The following LRRC37A variants were observed in gnomAD, a reference collection of about 807,000 sequenced individuals.
The protein encoded by LRRC37A is leucine rich repeat containing 37A.
In LRRC37A, 3 loss-of-function variants were observed where a neutral mutation model predicts 35.4. The ratio of observed to expected loss-of-function variants is 0.08; its 90% CI spans 0.04 to 0.22. LRRC37A has a LOEUF of 0.22. LRRC37A is among the 10% of genes least tolerant of loss of function. The probability of loss-of-function intolerance (pLI) is 1.00; values close to 1 mark genes in which losing one functional copy is unlikely to be tolerated. For synonymous variants in LRRC37A, 23 were observed against 215.0 expected (o/e 0.11, Z 7.81); for missense variants, 67 against 565.3 (o/e 0.12, Z 8.94).
chr17:46,317,134 C>T (rs1204835833), intron 5 of LRRC37A, among the ~76,000 whole-genome samples: 1 of 89,136 alleles, frequency 1.1e-5, no homozygotes, highest in African/African-American at 3.0e-5. Context: ...GGGTACACCT[C>T]CCAGATGGGG....
chr17:46,274,778 TTTTTCTTTTTTTTTTTTAA>T, the LRRC37A span: 1 of 148,038 alleles, frequency 6.8e-6, no homozygotes, highest in African/African-American at 2.4e-5. Context: ...TCTTGCTTTC[TTTTTCTTTTTTTTTTTTAA>T]TAAACAAAAT....
chr17:46,266,370 C>A, the LRRC37A span, among the ~76,000 whole-genome samples: 1 of 152,284 alleles, frequency 6.6e-6, no homozygotes, highest in South Asian at 2.1e-4. Flanking sequence ...GCTATCCTCG[C>A]CCGCAGATCA....
chr17:46,252,563 G>T, the LRRC37A span, among the ~76,000 whole-genome samples: 62 of 149,210 alleles, frequency 4.2e-4, no homozygotes, highest in African/African-American at 1.2e-3. Context: ...AGATTAGGGA[G>T]TGGTGATGAC....
At chr17:46,287,936 A>G (rs1423004372), upstream of LRRC37A, among the ~76,000 whole-genome samples, 1 of 152,248 alleles carries the variant, frequency 6.6e-6, no homozygotes, top group Non-Finnish European at 1.5e-5. Flanking sequence ...GTTGATAGGC[A>G]CAGTGTAGGA....
chr17:46,279,500 CTTTTTTTTTT>C, the LRRC37A span, among the ~76,000 whole-genome samples: 10 of 122,438 alleles, frequency 8.2e-5, no homozygotes, highest in East Asian at 2.2e-3. Context: ...TTCTTTCTTT[CTTTTTTTTTT>C]TTTTTTTTTG....
chr17:46,259,962 G>A, the LRRC37A span: 3 of 1,577,766 alleles, frequency 1.9e-6, no homozygotes, highest in South Asian at 3.4e-5. Flanking sequence ...GTTCTGGCTT[G>A]AGCCACTCCA....
the LRRC37A span, among the ~76,000 whole-genome samples, chr17:46,259,019 ATTTTTTTTTTT>A: frequency 5.1e-3 from 409 of 79,438 alleles, 2 homozygotes; most frequent in South Asian, 0.015. Context: ...CACCCGGCCT[ATTTTTTTTTTT>A]TTTTTTTTTT....
the LRRC37A span, among the ~76,000 whole-genome samples, chr17:46,257,449 T>A: frequency 1.3e-5 from 1 of 74,928 alleles, no homozygotes; most frequent in African/African-American, 5.2e-5. Context: ...TTAGACTCTG[T>A]CTCAAAAAAA....
At chr17:46,260,940 T>C in the LRRC37A span, among the ~76,000 whole-genome samples, 1 of 152,302 alleles carries the variant, frequency 6.6e-6, no homozygotes, top group South Asian at 2.1e-4. Context: ...ACTATTATTC[T>C]CAGCGAAGTA....
the LRRC37A span, among the ~76,000 whole-genome samples, chr17:46,276,927 C>T: frequency 3.9e-5 from 6 of 152,118 alleles, no homozygotes; most frequent in Admixed American, 3.9e-4. Context: ...CCTCAGCCTC[C>T]TGGGTAGCTG....
At chr17:46,263,141 G>A in the LRRC37A span, among the ~76,000 whole-genome samples, 2 of 152,242 alleles carry the variant, frequency 1.3e-5, no homozygotes, top group African/African-American at 2.4e-5. Context: ...TGAGTCCCGC[G>A]AGGTCAAGGC....
upstream of LRRC37A, among the ~76,000 whole-genome samples, chr17:46,291,020 C>G (rs1290492642): frequency 1.3e-5 from 2 of 152,138 alleles, no homozygotes; most frequent in African/African-American, 4.8e-5. Flanking sequence ...CCTGAATGGC[C>G]CTGGTTTAAT....
intron 5 of LRRC37A, among the ~76,000 whole-genome samples, chr17:46,317,117 A>C (rs2051180042): frequency 1.1e-5 from 1 of 88,134 alleles, no homozygotes; most frequent in Non-Finnish European, 3.4e-5. Flanking sequence ...GTTCTCAATG[A>C]GCTGTTGGGT....
chr17:46,273,671 G>T, the LRRC37A span, among the ~76,000 whole-genome samples: 4 of 152,264 alleles, frequency 2.6e-5, no homozygotes, highest in African/African-American at 7.2e-5. Flanking sequence ...AGCTATGGCA[G>T]ATTTTATAGA....
At chr17:46,279,704 C>A in the LRRC37A span, among the ~76,000 whole-genome samples, 1 of 151,784 alleles carries the variant, frequency 6.6e-6, no homozygotes, top group Admixed American at 6.6e-5. Flanking sequence ...TCATGTTGCC[C>A]GGGCTGGTCT....
At chr17:46,248,341 T>A in the LRRC37A span, among the ~76,000 whole-genome samples, 3 of 152,134 alleles carry the variant, frequency 2.0e-5, no homozygotes, top group African/African-American at 4.8e-5. Flanking sequence ...ACATTCCCAA[T>A]ATAAAGCATT....
At chr17:46,273,021 A>G in the LRRC37A span, among the ~76,000 whole-genome samples, 18,473 of 152,240 alleles carry the variant, frequency 0.12, no homozygotes, top group Non-Finnish European at 0.18. Context: ...GTCCTATTAC[A>G]TACAAAAGAA....
chr17:46,289,414 G>A (rs555954527), upstream of LRRC37A, among the ~76,000 whole-genome samples: 1 of 149,402 alleles, frequency 6.7e-6, no homozygotes, highest in South Asian at 2.1e-4. Context: ...CAAGTGATCT[G>A]CCTGCCTTTG....
upstream of LRRC37A, among the ~76,000 whole-genome samples, chr17:46,291,459 G>A (rs373782447): frequency 7.0e-4 from 107 of 152,032 alleles, 1 homozygote; most frequent in East Asian, 8.5e-3. Flanking sequence ...TTTCTCGGGG[G>A]TAAGGGAGGC....
Sources: allele counts gnomAD v4.1 joint callset (sites outside exome capture counted in the v4.1 genomes callset), GRCh38; gene constraint gnomAD v4.1.1; transcripts MANE v1.5; gene names NCBI Gene and HGNC (gene_info 2026-07-23, HGNC 2026-07-21).